Variants in APOH observed in about 807,000 individuals in gnomAD.
APOH encodes the protein beta-2-glycoprotein 1.
Under a neutral mutation model 39.8 loss-of-function variants are expected in APOH, and 48 were observed. The observed-to-expected ratio is 1.21, with a 90% confidence interval of 0.96 to 1.54. The LOEUF is 1.54. APOH is among the 40% of genes most tolerant of loss of function. The pLI is 0.00. For synonymous variants in APOH, 153 were observed against 151.1 expected, an observed-to-expected ratio of 1.01 and a Z score of -0.09; for missense variants, 415 against 421.2, an observed-to-expected ratio of 0.99 and a Z score of 0.13.
At chr17:66,227,567 TTATAA>T (rs1008663716) in intron 2 of APOH, among the ~76,000 whole-genome samples, 6 of 152,312 alleles carry the variant, frequency 3.9e-5, no homozygotes, top group East Asian at 1.9e-4. Context: ...TTGTATTTCA[TTATAA>T]TATAATATAT....
intron 6 of APOH, among the ~76,000 whole-genome samples, chr17:66,215,178 A>T (rs1350488308): frequency 1.3e-5 from 2 of 152,200 alleles, no homozygotes; most frequent in East Asian, 3.8e-4. Context: ...GAGGGAATAT[A>T]AAAAGCAGGT....
At chr17:66,213,288 A>G (rs556362708) in intron 7 of APOH, among the ~76,000 whole-genome samples, 1 of 152,346 alleles carries the variant, frequency 6.6e-6, no homozygotes, top group South Asian at 2.1e-4. Context: ...GAAACCTTAA[A>G]AGGTTAGCAG....
chr17:66,217,942 C>CA (rs372282778), intron 5 of APOH, among the ~76,000 whole-genome samples: 48 of 145,754 alleles, frequency 3.3e-4, no homozygotes, highest in East Asian at 2.0e-3. Flanking sequence ...GACTCCAACT[C>CA]AAAAAAAAAA....
chr17:66,225,022 G>A lies in APOH; in HGVS notation c.338+1006C>T, dbSNP rs375120250. Among the ~76,000 whole-genome samples, 8 of 150,570 alleles carry A rather than the reference G, an allele frequency of 5.3e-5. No homozygotes were observed. The South Asian group carries it at 1.5e-3, about 28-fold the overall frequency. ...GTGGAGGTTGCAGTGAGCCAAGATC[G>A]CACCACTGCACTCTAGCCTGGGTGA... is the stretch of plus-strand genomic sequence containing the variant. On this transcript the variant is annotated intron_variant, in intron 3 of 7. Transcript: ENST00000205948.
chr17:66,212,167 C>G lies in APOH; in HGVS notation c.1004G>C (p.Trp335Ser), dbSNP rs1801690. ...CTTTACATCGGATGCATCAGTTTTC[C>G]AAAAAGCCAGAGAACTGTGTTCTGT... is the stretch of plus-strand genomic sequence containing the variant. The part of the protein sequence containing the change: ...CFKEHSSLAF[W>S]KTDASDVKPC Residue 335 changes from tryptophan (W) to serine (S), a missense_variant, in exon 8 of 8, where the codon TGG (tryptophan) becomes TCG (serine). By Grantham distance (177) the Trp-to-Ser change is radical (BLOSUM62 -3). Around this residue, in one of 3 missense-constraint regions of APOH, gnomAD observed 120 missense variants for 110.6 expected, o/e 1.08. Coordinates refer to ENST00000205948, the MANE Select transcript of APOH (RefSeq NM_000042.3). The G allele has an allele frequency of 0.051, 82,801 of 1,612,074 alleles. 2,408 individuals carry two copies. The highest frequency in any genetic ancestry group is 0.085 in the East Asian group (3,823 of 44,834).
rs551183963 is a variant in APOH at position 66,216,376 on chromosome 17, C to T, written c.784+412G>A. ...TGGGGTGCCTGTAATCCCAGCTACTCGGGAGGCTGAGGTAGGAGAATTGCT... is the reference window on the plus strand; with the variant it reads ...TGGGGTGCCTGTAATCCCAGCTACTTGGGAGGCTGAGGTAGGAGAATTGCT... On this transcript the variant is annotated intron_variant, in intron 6 of 7. Coordinates refer to ENST00000205948, the MANE Select transcript of APOH (RefSeq NM_000042.3). Among the ~76,000 whole-genome samples, 13 of 151,158 alleles carry T rather than the reference C, an allele frequency of 8.6e-5. No individual in the cohort carries two copies. In the East Asian group the frequency reaches 1.2e-3, roughly 14 times the overall value.
intron 5 of APOH, among the ~76,000 whole-genome samples, chr17:66,220,030 A>G (rs2073387877): frequency 1.3e-5 from 2 of 152,254 alleles, no homozygotes; most frequent in Admixed American, 1.3e-4. Flanking sequence ...AATAATTTTC[A>G]TAATTTCTTA....
At chr17:66,222,851 G>T (rs780061561) in intron 4 of APOH, among the ~76,000 whole-genome samples, 1 of 152,146 alleles carries the variant, frequency 6.6e-6, no homozygotes, top group Non-Finnish European at 1.5e-5. Context: ...CATTACAGGC[G>T]TGAACCACTG....
In APOH at chr17:66,228,033, AGT is replaced by A. The variant is rs2073450084; in HGVS notation, c.226_227del (p.Thr76SerfsTer25). 6.2e-7 allele frequency: 1 copy of A among 1,613,338 alleles called. No individual in the cohort carries two copies. Among genetic ancestry groups the A allele is most frequent in the African/African-American group, 1.3e-5 (1 of 74,878 alleles). On this transcript the variant is annotated frameshift_variant, in exon 2 of 8. Transcript: ENST00000205948. LOFTEE classifies it high-confidence loss of function. Reference sequence around the variant, plus strand: ...GTACTGACTTACGTGTACATTTCAGAGTGTTGATGGGCCACAGTCCTGTGAGA... The same window carrying A: ...GTACTGACTTACGTGTACATTTCAGAGTTGATGGGCCACAGTCCTGTGAGA... ...CPLTGLWPIN[T>X]LKCTPRVCPF...
intron 2 of APOH, among the ~76,000 whole-genome samples, chr17:66,226,358 C>A (rs550631833): frequency 2.0e-5 from 3 of 152,174 alleles, no homozygotes; most frequent in Non-Finnish European, 4.4e-5. Flanking sequence ...TTTGGACAGG[C>A]GGGGAGCAGT....
At chr17:66,228,280 G>T in intron 1 of APOH, 84 bp from the exon 2 acceptor site, 3 of 1,439,418 alleles carry the variant, frequency 2.1e-6, no homozygotes, top group South Asian at 1.3e-5. Flanking sequence ...AAAAATGTGT[G>T]TACTGTTACC....
At chr17:66,216,279 T>C (rs900523675) in intron 6 of APOH, among the ~76,000 whole-genome samples, 3 of 151,826 alleles carry the variant, frequency 2.0e-5, no homozygotes, top group African/African-American at 4.8e-5. Flanking sequence ...GGTCAGGAGT[T>C]CGAAATTAGC....
At chr17:66,228,401 A>T (rs886972524) in intron 1 of APOH, among the ~76,000 whole-genome samples, 4 of 152,210 alleles carry the variant, frequency 2.6e-5, no homozygotes, top group Admixed American at 2.6e-4. Flanking sequence ...TTTACAGGTC[A>T]GTATGCTGAG....
rs147357246 is a variant in APOH at position 66,229,351 on chromosome 17, G to A, written c.29C>T (p.Ser10Leu). Residue 10 changes from serine to leucine, a missense_variant, in exon 1 of 8, where the codon TCG (serine) becomes TTG (leucine). By Grantham distance (145) the Ser-to-Leu change is moderately radical. Transcript: ENST00000205948. ...AATAGCAACATGGCAGAGAAAACTC[G>A]AGAACAAGATGAGCACTGGAGAAAT... MISPVLILF[S>L]SFLCHVAIAG... The A allele has an allele frequency of 4.9e-4, 787 of 1,613,798 alleles. 5 individuals are homozygous for A. Among genetic ancestry groups the A allele is most frequent in the Non-Finnish European group, 6.4e-5 (75 of 1,179,816 alleles).
chr17:66,216,124 T>C (rs4366742), intron 6 of APOH, among the ~76,000 whole-genome samples: 103,044 of 148,298 alleles, frequency 0.69, 36,996 homozygotes, highest in East Asian at 0.91. Context: ...ACTGAGATTC[T>C]ACCATTACAC....
chr17:66,217,392 A>T (rs1181706406), intron 5 of APOH, among the ~76,000 whole-genome samples: 1 of 138,226 alleles, frequency 7.2e-6, no homozygotes, highest in Non-Finnish European at 1.6e-5. Context: ...GCTTTAAAAT[A>T]GTAAATCTTA....
At chr17:66,221,871 C>A (rs2073404902) in intron 4 of APOH, among the ~76,000 whole-genome samples, 1 of 152,116 alleles carries the variant, frequency 6.6e-6, no homozygotes, top group African/African-American at 2.4e-5. Flanking sequence ...TTCCCTAGAT[C>A]CCTGCTGCTC....
chr17:66,215,669 G>T (rs1486789467), intron 6 of APOH, among the ~76,000 whole-genome samples: 1 of 152,130 alleles, frequency 6.6e-6, no homozygotes, highest in African/African-American at 2.4e-5. Context: ...CTAGGCTGTT[G>T]TTGTTCTTTA....
At chr17:66,223,622 C>G in intron 4 of APOH, 76 bp downstream of exon 4, 1 of 1,253,170 alleles carries the variant, frequency 8.0e-7, no homozygotes, top group Non-Finnish European at 1.2e-6. Context: ...TGAAGAGATT[C>G]CAGATGTGAG....
Sources: allele counts gnomAD v4.1 joint callset (sites outside exome capture counted in the v4.1 genomes callset), GRCh38; gene constraint gnomAD v4.1.1; regional missense constraint gnomAD v4.1.1; transcripts MANE v1.5; gene names NCBI Gene and HGNC (gene_info 2026-07-23, HGNC 2026-07-21).